PHTF2: variants seen among roughly 807,000 people sequenced by gnomAD.
PHTF2 encodes the protein putative homeodomain transcription factor 2.
A neutral mutation model predicts 101.2 loss-of-function variants in PHTF2; 60 were observed. That is an observed-to-expected ratio of 0.59 (90% CI 0.48 to 0.73). The LOEUF (loss-of-function observed/expected upper bound fraction) is 0.73, where lower values mean the gene tolerates loss of function less well. Ranked by LOEUF, PHTF2 falls within the 30% of genes least tolerant of loss-of-function variation. The probability of loss-of-function intolerance (pLI) is 0.00; values close to 1 mark genes in which losing one functional copy is unlikely to be tolerated. For synonymous variants in PHTF2, 311 were observed against 307.3 expected, an observed-to-expected ratio of 1.01 and a Z score of -0.13; for missense variants, 747 against 908.7, an observed-to-expected ratio of 0.82 and a Z score of 2.29.
At chr7:77,903,769 A>C (rs1584657702) in intron 7 of PHTF2, among the ~76,000 whole-genome samples, 2 of 152,180 alleles carry the variant, frequency 1.3e-5, no homozygotes, top group African/African-American at 4.8e-5. Context: ...GCAGGCTGCC[A>C]TTACCTTTGA....
chr7:77,903,583 G>A (rs34853492), intron 7 of PHTF2, among the ~76,000 whole-genome samples: 24,287 of 152,140 alleles, frequency 0.16, 2,204 homozygotes, highest in African/African-American at 0.24. Context: ...TAGGGAACAC[G>A]GGTTAGATTG....
intron 19 of PHTF2, among the ~76,000 whole-genome samples, chr7:77,954,612 G>GTATATATATATATATATATATA (rs66540211): frequency 2.2e-5 from 2 of 90,194 alleles, no homozygotes; most frequent in Admixed American, 1.2e-4. Context: ...CAAGTACTGT[G>GTATATATATATATATATATATA]TATATATATA....
At chr7:77,848,786 A>G (rs1232396537) in intron 2 of PHTF2, among the ~76,000 whole-genome samples, 1 of 152,148 alleles carries the variant, frequency 6.6e-6, no homozygotes, top group Non-Finnish European at 1.5e-5. Context: ...TGCCCAGTCC[A>G]TTATCTTGGA....
Position 77,937,705 on chromosome 7 carries a change from T to G in PHTF2, c.1339-5T>G. ...TATATTTACTAATTTTTTTTTTTTTTATAGAGTCATTTGCCCTGGCTCCAT... is the reference window on the plus strand; with the variant it reads ...TATATTTACTAATTTTTTTTTTTTTGATAGAGTCATTTGCCCTGGCTCCAT... On this transcript the variant is annotated splice_polypyrimidine_tract_variant and splice_region_variant and intron_variant, in intron 12 of 19. Coordinates refer to ENST00000416283, the Ensembl canonical transcript of PHTF2. 1 of 1,253,462 alleles carries G rather than the reference T, an allele frequency of 8.0e-7. No homozygotes were observed. Among genetic ancestry groups the G allele is most frequent in the Non-Finnish European group, 1.1e-6 (1 of 943,850 alleles). The allele number at this position is 1,253,462 out of a possible 1,614,324, so 77.6% of individuals were successfully genotyped here.
At chr7:77,935,645 A>T (rs901101584) in intron 12 of PHTF2, among the ~76,000 whole-genome samples, 3 of 152,228 alleles carry the variant, frequency 2.0e-5, no homozygotes, top group Admixed American at 6.5e-5. Context: ...AGCTAGATGT[A>T]AAAGGAGTGC....
intron 13 of PHTF2, among the ~76,000 whole-genome samples, chr7:77,939,071 G>A (rs911786833): frequency 1.3e-5 from 2 of 151,988 alleles, no homozygotes; most frequent in South Asian, 4.1e-4. Flanking sequence ...ACTTACAATG[G>A]TCTCATTTAT....
chr7:77,890,179 C>T (rs578200020), intron 3 of PHTF2, among the ~76,000 whole-genome samples: 2 of 152,182 alleles, frequency 1.3e-5, no homozygotes, highest in African/African-American at 4.8e-5. Flanking sequence ...TTTAGGATTG[C>T]ATTCTGCTAT....
At chr7:77,841,116 G>A (rs954717415) in intron 2 of PHTF2, among the ~76,000 whole-genome samples, 3 of 105,336 alleles carry the variant, frequency 2.8e-5, no homozygotes, top group Non-Finnish European at 5.1e-5. Context: ...CTCTCTCTCT[G>A]TCACCCAGAC....
intron 1 of PHTF2, among the ~76,000 whole-genome samples, chr7:77,804,000 GT>G (rs1792774756): frequency 6.6e-6 from 1 of 152,132 alleles, no homozygotes; most frequent in South Asian, 2.1e-4. Context: ...TAGGATTTCA[GT>G]GCTGTGAATT....
chr7:77,863,251 T>A (rs1303850302), intron 3 of PHTF2, among the ~76,000 whole-genome samples: 1 of 152,196 alleles, frequency 6.6e-6, no homozygotes, highest in African/African-American at 2.4e-5. Flanking sequence ...AGAAGGGGGA[T>A]AGTGTAATCT....
At chr7:77,822,080 C>T (rs1220652915) in intron 1 of PHTF2, among the ~76,000 whole-genome samples, 1 of 152,158 alleles carries the variant, frequency 6.6e-6, no homozygotes, top group Non-Finnish European at 1.5e-5. Flanking sequence ...ACGTGGGGGG[C>T]ACTCTTCCAC....
chr7:77,930,447 G>T (rs553622978), intron 12 of PHTF2, among the ~76,000 whole-genome samples: 1 of 136,328 alleles, frequency 7.3e-6, no homozygotes, highest in Admixed American at 7.6e-5. Flanking sequence ...CTACTCACTA[G>T]TCCAGAAACT....
chr7:77,815,810 G>A (rs1793805170), intron 1 of PHTF2, among the ~76,000 whole-genome samples: 1 of 152,142 alleles, frequency 6.6e-6, no homozygotes, highest in South Asian at 2.1e-4. Context: ...CTGAAACTTT[G>A]TTTTATTGCA....
intron 18 of PHTF2, 74 bp from the exon 18 acceptor site, chr7:77,953,695 C>T (rs1411166675): frequency 1.5e-6 from 2 of 1,292,944 alleles, no homozygotes; most frequent in Non-Finnish European, 2.1e-6. Flanking sequence ...TTTTAATTCT[C>T]ATTGTATATT....
At chr7:77,846,124 C>A (rs1360213942) in intron 2 of PHTF2, among the ~76,000 whole-genome samples, 1 of 152,152 alleles carries the variant, frequency 6.6e-6, no homozygotes, top group Non-Finnish European at 1.5e-5. Context: ...GGGTTTCCTA[C>A]CCAAAATTAT....
chr7:77,874,895 C>T (rs1451164073), intron 3 of PHTF2, among the ~76,000 whole-genome samples: 4 of 152,150 alleles, frequency 2.6e-5, no homozygotes, highest in East Asian at 1.9e-4. Flanking sequence ...CCCCAATAAA[C>T]GTTCTTGGTG....
At chr7:77,802,399 T>C (rs1792629924) in intron 1 of PHTF2, among the ~76,000 whole-genome samples, 1 of 152,174 alleles carries the variant, frequency 6.6e-6, no homozygotes, top group Non-Finnish European at 1.5e-5. Flanking sequence ...AAATTAAGAC[T>C]CAAAGAAGAA....
chr7:77,815,876 G>C (rs556657232), intron 1 of PHTF2, among the ~76,000 whole-genome samples: 69 of 152,180 alleles, frequency 4.5e-4, no homozygotes, highest in African/African-American at 1.6e-3. Context: ...TCTCGGATCT[G>C]CTAGGTCAGT....
intron 12 of PHTF2, among the ~76,000 whole-genome samples, chr7:77,931,812 A>T (rs956687502): frequency 6.6e-6 from 1 of 152,244 alleles, no homozygotes; most frequent in South Asian, 2.1e-4. Flanking sequence ...ATGTTGTATG[A>T]TAAAACAGTA....
Sources: gnomAD v4.1 joint callset for allele counts (sites outside exome capture counted in the v4.1 genomes callset) on GRCh38, gnomAD v4.1.1 for gene constraint, MANE v1.5 for transcripts, NCBI Gene and HGNC (gene_info 2026-07-23, HGNC 2026-07-21) for gene names.